The following MESD variants were observed in gnomAD, a reference collection of about 807,000 sequenced individuals.
MESD encodes LRP chaperone MESD.
In MESD, 7 loss-of-function variants were observed where a neutral mutation model predicts 12.9. The ratio of observed to expected loss-of-function variants is 0.54; its 90% CI spans 0.31 to 1.02. The LOEUF (loss-of-function observed/expected upper bound fraction) is 1.02. Among genes scored for constraint, MESD ranks in the 50% least tolerant of loss-of-function variants. The pLI is 0.05. For synonymous variants in MESD, 126 were observed against 115.6 expected (o/e 1.09, Z -0.58); for missense variants, 342 against 296.7 (o/e 1.15, Z -1.12).
At chr15:80,950,533 C>G (rs1458341340) in intron 4 of MESD, 1 of 152,320 alleles carries the variant, frequency 6.6e-6, no homozygotes, top group East Asian at 1.9e-4. Flanking sequence ...GTCAGCCCAG[C>G]CTGGGTGCAC....
chr15:80,972,689 C>A (rs189202858), downstream of MESD, among the ~76,000 whole-genome samples: 1,889 of 152,302 alleles, frequency 0.012, 33 homozygotes, highest in African/African-American at 0.043. Flanking sequence ...ATTACACAGC[C>A]ACTAAAACGC....
In MESD at chr15:80,961,187, TAAATGCTCCTTA is replaced by T. The variant is rs914835859; in HGVS notation, c.*289-8903_*289-8892del. On this transcript the variant is annotated intron_variant, in intron 3 of 4. Transcript: ENST00000561312. Reference sequence around the variant, plus strand: ...CACAATTTGCAAACAATCCTGCCATTAAATGCTCCTTAACATGCCATCTGCTTTTTGCTGAGA... The same window carrying T: ...CACAATTTGCAAACAATCCTGCCATTACATGCCATCTGCTTTTTGCTGAGA... Among the ~76,000 whole-genome samples the T allele has an allele frequency of 2.2e-4, 33 of 152,106 alleles. 1 individual carries two copies. The highest frequency in any genetic ancestry group is 7.7e-4 in the African/African-American group (32 of 41,492).
intron 3 of MESD, among the ~76,000 whole-genome samples, chr15:80,967,724 T>C (rs1209984019): frequency 1.3e-5 from 2 of 152,236 alleles, no homozygotes; most frequent in Non-Finnish European, 2.9e-5. Flanking sequence ...CCTCCTTGGC[T>C]GAGAGCTGCC....
chr15:80,949,208 TG>T (rs1901710838), intron 4 of MESD: 3 of 461,976 alleles, frequency 6.5e-6, no homozygotes, highest in Admixed American at 3.4e-5. Flanking sequence ...GCCTCTTCAG[TG>T]GGGGTTTGGG....
chr15:80,952,333 G>A, intron 3 of MESD: 2 of 404,660 alleles, frequency 4.9e-6, no homozygotes, highest in Non-Finnish European at 1.0e-5. Context: ...GGTTAGAGCA[G>A]GTGAACTGGG....
chr15:80,970,626 C>G (rs1304727043), intron 3 of MESD: 1 of 152,246 alleles, frequency 6.6e-6, no homozygotes, highest in East Asian at 1.9e-4. Flanking sequence ...GCTAACTCAG[C>G]CACTCCTATT....
intron 4 of MESD, chr15:80,950,521 C>G (rs1901773320): frequency 6.6e-6 from 1 of 152,320 alleles, no homozygotes; most frequent in African/African-American, 2.4e-5. Context: ...TGTTCACTAC[C>G]TGTCAGCCCA....
intron 3 of MESD, among the ~76,000 whole-genome samples, chr15:80,958,279 T>C (rs1023493099): frequency 1.3e-5 from 2 of 152,164 alleles, no homozygotes; most frequent in Non-Finnish European, 2.9e-5. Flanking sequence ...AGGTATAGAA[T>C]TGTTGCTCTC....
chr15:80,958,685 A>C (rs1902031347), intron 3 of MESD, among the ~76,000 whole-genome samples: 1 of 152,120 alleles, frequency 6.6e-6, no homozygotes, highest in African/African-American at 2.4e-5. Context: ...CTGCTGAGCA[A>C]AGAACTATCT....
intron 4 of MESD, chr15:80,951,394 C>T (rs7163915): frequency 0.029 from 4,413 of 152,674 alleles, 84 homozygotes; most frequent in Middle Eastern, 0.1. Flanking sequence ...TTTCTTATTG[C>T]TTAGAAAATT....
chr15:80,962,727 T>A (rs915985379), intron 3 of MESD, among the ~76,000 whole-genome samples: 7 of 152,222 alleles, frequency 4.6e-5, no homozygotes, highest in Non-Finnish European at 8.8e-5. Flanking sequence ...AACGTGCTCC[T>A]GAATGACTAC....
intron 1 of MESD, among the ~76,000 whole-genome samples, chr15:80,985,491 C>T (rs1902704786): frequency 6.6e-6 from 1 of 152,170 alleles, no homozygotes; most frequent in Non-Finnish European, 1.5e-5. Flanking sequence ...CAAGTTGTTT[C>T]TGTCTTTATC....
intron 3 of MESD, among the ~76,000 whole-genome samples, chr15:80,959,706 C>T (rs569704174): frequency 1.3e-5 from 2 of 152,198 alleles, no homozygotes; most frequent in South Asian, 4.2e-4. Context: ...ACCTTTGTGC[C>T]CCTGCAGGAG....
At chr15:80,949,053 G>C in intron 4 of MESD, 1 of 1,254,508 alleles carries the variant, frequency 8.0e-7, no homozygotes, top group Non-Finnish European at 1.2e-6. Context: ...TTTCAGCCCT[G>C]ATGGGCCAAG....
chr15:80,949,408 G>A (rs542147935), intron 4 of MESD: 99 of 237,072 alleles, frequency 4.2e-4, no homozygotes, highest in African/African-American at 1.2e-3. Flanking sequence ...CTGTAAGCAA[G>A]AGCCAACCTC....
At chr15:80,979,600 G>T (rs2141809924) in intron 2 of MESD, 123 bp from the exon 3 acceptor site, 2 of 1,219,214 alleles carry the variant, frequency 1.6e-6, no homozygotes, top group South Asian at 1.6e-5. Context: ...TGAAAAATTG[G>T]ATTTTCCAAA....
chr15:80,969,638 T>C (rs1902244475), intron 3 of MESD, among the ~76,000 whole-genome samples: 1 of 152,086 alleles, frequency 6.6e-6, no homozygotes, highest in South Asian at 2.1e-4. Context: ...GCGGATCAGT[T>C]GAGGTCAGGA....
At chr15:80,947,396 C>T (rs1487532714) in exon 5 of MESD, 3 of 338,774 alleles carry the variant, frequency 8.9e-6, no homozygotes, top group Non-Finnish European at 1.7e-5. Context: ...ACCCTCCTAC[C>T]CAATTCCTGC....
intron 3 of MESD, among the ~76,000 whole-genome samples, chr15:80,957,883 A>G (rs933813771): frequency 1.3e-5 from 1 of 79,454 alleles, no homozygotes; most frequent in Admixed American, 1.3e-4. Context: ...CCACCCCCCC[A>G]CCCCCATATT....
Sources: gnomAD v4.1 joint callset for allele counts (sites outside exome capture counted in the v4.1 genomes callset) on GRCh38, gnomAD v4.1.1 for gene constraint, MANE v1.5 for transcripts, NCBI Gene and HGNC (gene_info 2026-07-23, HGNC 2026-07-21) for gene names.